ANKRD30A: variants seen among roughly 807,000 people sequenced by gnomAD.
ANKRD30A encodes ankyrin repeat domain-containing protein 30A.
In ANKRD30A, 170 loss-of-function variants were observed where a neutral mutation model predicts 166.3. The ratio of observed to expected loss-of-function variants is 1.02; its 90% CI spans 0.90 to 1.16. The LOEUF (loss-of-function observed/expected upper bound fraction) is 1.16. Among genes scored for constraint, ANKRD30A ranks in the 50% most tolerant of loss-of-function variants. The pLI, the probability that ANKRD30A is intolerant of heterozygous loss-of-function variation, is 0.00. For missense variants in ANKRD30A, 1,630 were observed against 1,518.0 expected (o/e 1.07, Z -1.23); for synonymous variants, 564 against 508.9 (o/e 1.11, Z -1.46).
intron 34 of ANKRD30A, among the ~76,000 whole-genome samples, chr10:37,224,012 A>G (rs1588956516): frequency 6.6e-6 from 1 of 151,264 alleles, no homozygotes; most frequent in African/African-American, 2.4e-5. Context: ...TACAAGTTTG[A>G]CCTATATCTG....
At chr10:37,239,785 A>C in the ANKRD30A span, among the ~76,000 whole-genome samples, 1 of 152,192 alleles carries the variant, frequency 6.6e-6, no homozygotes, top group East Asian at 1.9e-4. Flanking sequence ...ATTTTAGGTT[A>C]TTTATGTGAT....
At chr10:37,232,161 A>G (rs1202132517) in intron 35 of ANKRD30A, among the ~76,000 whole-genome samples, 2 of 152,068 alleles carry the variant, frequency 1.3e-5, no homozygotes, top group African/African-American at 2.4e-5. Context: ...AATCTAAAAT[A>G]AATACATTTA....
Position 37,125,836 on chromosome 10 carries a change from C to T in ANKRD30A, c.49C>T (p.Arg17Cys), listed in dbSNP as rs1433671020. ...TGTCAAGGTCGTGCCGGGCCCGGAGCGCCCGAGCCCTTTCAGCCAGCTAGT... is the reference window on the plus strand; with the variant it reads ...TGTCAAGGTCGTGCCGGGCCCGGAGTGCCCGAGCCCTTTCAGCCAGCTAGT... ...AAVKVVPGPE[R>C]PSPFSQLVYT... Residue 17 changes from arginine to cysteine, a missense_variant, in exon 1 of 36, where the codon CGC (arginine) becomes TGC (cysteine). By Grantham distance (180) the Arg-to-Cys change is radical (BLOSUM62 -3). Around this residue, in one of 4 missense-constraint regions of ANKRD30A, gnomAD observed 904 missense variants for 818.5 expected, o/e 1.10. Transcript: ENST00000361713. The T allele has an allele frequency of 2.9e-6, 3 of 1,022,248 alleles. No homozygotes were observed. Among genetic ancestry groups the T allele is most frequent in the Admixed American group, 2.2e-5 (1 of 44,974 alleles). 63.3% of individuals were successfully genotyped at this position (1,022,248 alleles called of 1,614,324 possible).
At chr10:37,201,124 G>T in intron 30 of ANKRD30A, 111 bp from the exon 31 acceptor site, 1 of 800,408 alleles carries the variant, frequency 1.2e-6, no homozygotes, top group Non-Finnish European at 1.8e-6. Flanking sequence ...AAGTTGAATT[G>T]CTTGCAAAAT....
chr10:37,222,456 G>A (rs1641050277), intron 34 of ANKRD30A, among the ~76,000 whole-genome samples: 1 of 151,050 alleles, frequency 6.6e-6, no homozygotes, highest in South Asian at 2.1e-4. Flanking sequence ...TCTATTTATT[G>A]TCAAATAATA....
chr10:37,133,034 G>A (rs1836471383), intron 4 of ANKRD30A, among the ~76,000 whole-genome samples: 1 of 152,008 alleles, frequency 6.6e-6, no homozygotes, highest in Non-Finnish European at 1.5e-5. Flanking sequence ...AATAGAAATA[G>A]GAGTTTAAAA....
chr10:37,151,542 C>T (rs1280398975), intron 11 of ANKRD30A, among the ~76,000 whole-genome samples: 1 of 152,008 alleles, frequency 6.6e-6, no homozygotes, highest in Non-Finnish European at 1.5e-5. Flanking sequence ...AATACACTGT[C>T]ATAGAATATT....
At chr10:37,195,709 A>G (rs556684093) in intron 27 of ANKRD30A, among the ~76,000 whole-genome samples, 1 of 152,294 alleles carries the variant, frequency 6.6e-6, no homozygotes, top group Admixed American at 6.5e-5. Context: ...CCTGACTAAC[A>G]CAGTGAAACC....
chr10:37,179,411 A>G (rs1159639828), intron 24 of ANKRD30A, among the ~76,000 whole-genome samples: 1 of 150,720 alleles, frequency 6.6e-6, no homozygotes, highest in African/African-American at 2.4e-5. Context: ...AGATTTGTAC[A>G]TCTTCCTGCA....
chr10:37,201,890 A>G (rs1455140523), intron 31 of ANKRD30A, among the ~76,000 whole-genome samples: 3 of 152,140 alleles, frequency 2.0e-5, no homozygotes. Context: ...GCATGTCTGC[A>G]TGGCCACACA....
intron 35 of ANKRD30A, among the ~76,000 whole-genome samples, chr10:37,232,189 G>A (rs1843438034): frequency 6.6e-6 from 1 of 151,470 alleles, no homozygotes; most frequent in Admixed American, 6.6e-5. Context: ...AATAAACATG[G>A]AACACTTAAA....
In ANKRD30A at chr10:37,142,275, A is replaced by G. The variant is rs1200645326; in HGVS notation, c.1378A>G (p.Lys460Glu). Reference sequence around the variant, plus strand: ...ATGTCCTACAAAAGAATCATCTACAAAAGCAAGTGCCAATGGTAAGATGCT... The same window carrying G: ...ATGTCCTACAAAAGAATCATCTACAGAAGCAAGTGCCAATGGTAAGATGCT... ...IACPTKESST[K>E]ASANDQRFPS... Residue 460 changes from lysine to glutamate, a missense_variant, in exon 7 of 36, where the codon AAA becomes GAA. Around this residue, in one of 4 missense-constraint regions of ANKRD30A, gnomAD observed 904 missense variants for 818.5 expected, o/e 1.10. Transcript: ENST00000361713. 7 of 1,593,200 alleles carry G rather than the reference A, an allele frequency of 4.4e-6. No individual in the cohort carries two copies. The African/African-American group carries it at 5.5e-5, about 12-fold the overall frequency.
At chr10:37,130,609 A>T (rs1427075431) in intron 3 of ANKRD30A, among the ~76,000 whole-genome samples, 1 of 152,208 alleles carries the variant, frequency 6.6e-6, no homozygotes, top group African/African-American at 2.4e-5. Flanking sequence ...TTAAAGGTAA[A>T]AACTTCTTCA....
chr10:37,257,851 G>C, the ANKRD30A span, among the ~76,000 whole-genome samples: 4 of 152,066 alleles, frequency 2.6e-5, no homozygotes, highest in Non-Finnish European at 4.4e-5. Context: ...CATTCTCAGC[G>C]GACTAACACA....
chr10:37,158,435 A>G lies in ANKRD30A; in HGVS notation c.1827+15A>G. The G allele has an allele frequency of 6.2e-7, 1 of 1,611,930 alleles. No individual in the cohort carries two copies. The highest frequency in any genetic ancestry group is 8.5e-7 in the Non-Finnish European group (1 of 1,178,526). On this transcript the variant is annotated intron_variant, in intron 14 of 35. Coordinates refer to ENST00000361713, the MANE Select transcript of ANKRD30A (RefSeq NM_052997.3). The stretch of plus-strand genomic sequence containing the variant: ...GTCTTCTGAAGGTAATAACTTTTAT[A>G]TTTTTGTCTTGAGTATCAACTACAT...
intron 18 of ANKRD30A, among the ~76,000 whole-genome samples, chr10:37,165,739 A>G (rs1389233729): frequency 2.0e-5 from 3 of 152,112 alleles, no homozygotes; most frequent in South Asian, 2.1e-4. Context: ...TATAAATTAT[A>G]TTTTCACAAA....
At chr10:37,252,447 G>A in the ANKRD30A span, among the ~76,000 whole-genome samples, 2 of 152,122 alleles carry the variant, frequency 1.3e-5, no homozygotes, top group Non-Finnish European at 2.9e-5. Context: ...ATAAAACTTA[G>A]TGGTACCTCC....
chr10:37,154,045 G>A (rs1433894983), intron 13 of ANKRD30A, among the ~76,000 whole-genome samples: 1 of 152,078 alleles, frequency 6.6e-6, no homozygotes, highest in African/African-American at 2.4e-5. Context: ...GGAAAAGATT[G>A]GGTATTGTTA....
intron 33 of ANKRD30A, among the ~76,000 whole-genome samples, chr10:37,218,234 A>G (rs2132739469): frequency 6.6e-6 from 1 of 151,022 alleles, no homozygotes; most frequent in Non-Finnish European, 1.5e-5. Context: ...GCCATAGTAA[A>G]TAAGCTCATG....
Sources: gnomAD v4.1 joint callset for allele counts (sites outside exome capture counted in the v4.1 genomes callset) on GRCh38, gnomAD v4.1.1 for gene constraint, gnomAD v4.1.1 regional missense constraint, MANE v1.5 for transcripts, NCBI Gene and HGNC (gene_info 2026-07-23, HGNC 2026-07-21) for gene names.